MTMR8: variants seen among roughly 807,000 people sequenced by gnomAD.
MTMR8 encodes the protein myotubularin related protein 8.
In MTMR8, 65 loss-of-function variants were observed where a neutral mutation model predicts 39.3. The observed-to-expected ratio is 1.65, with a 90% confidence interval of 1.35 to 2.03. The LOEUF (loss-of-function observed/expected upper bound fraction) is 2.03, where lower values mean the gene tolerates loss of function less well. Ranked by LOEUF, MTMR8 falls within the 30% of genes most tolerant of loss-of-function variation. MTMR8 has a pLI of 0.00. For synonymous variants in MTMR8, 245 were observed against 185.2 expected (o/e 1.32, Z -2.62); for missense variants, 777 against 538.9 (o/e 1.44, Z -4.37).
At chrX:64,383,681 A>C (rs1924488881) in intron 1 of MTMR8, among the ~76,000 whole-genome samples, 1 of 110,029 alleles carries the variant, frequency 9.1e-6, no homozygotes, top group Non-Finnish European at 1.9e-5. Context: ...GAACTCACAC[A>C]ATATCATGAG....
intron 12 of MTMR8, among the ~76,000 whole-genome samples, chrX:64,283,886 G>C (rs758772023): frequency 2.9e-4 from 32 of 112,202 alleles, no homozygotes; most frequent in South Asian, 7.4e-4. Flanking sequence ...AAACAGAAGA[G>C]AAAAACTGAA....
intron 1 of MTMR8, among the ~76,000 whole-genome samples, chrX:64,362,072 C>T (rs746775365): frequency 2.7e-5 from 3 of 110,401 alleles, no homozygotes; most frequent in South Asian, 3.8e-4. Flanking sequence ...ATAACATTCA[C>T]GATGGCAACA....
At chrX:64,292,637 C>T (rs1921438721) in intron 12 of MTMR8, among the ~76,000 whole-genome samples, 1 of 110,812 alleles carries the variant, frequency 9.0e-6, no homozygotes, top group East Asian at 2.9e-4. Context: ...GACAGAAAAA[C>T]AAAAGAAGAG....
intron 8 of MTMR8, among the ~76,000 whole-genome samples, chrX:64,338,478 A>C (rs1302656592): frequency 2.7e-5 from 3 of 112,430 alleles, no homozygotes; most frequent in African/African-American, 9.7e-5. Context: ...AACAGCGTGT[A>C]CATTGCAAGG....
Position 64,268,728 on chromosome X carries a change from T to A in MTMR8, c.1924A>T (p.Thr642Ser). The change falls in exon 14 of 14, where the codon ACC (threonine) becomes TCC (serine). Residue 642 changes from threonine to serine, a missense_variant. Thr to Ser is a moderately conservative substitution (Grantham distance 58). Coordinates refer to ENST00000374852, the MANE Select transcript of MTMR8 (RefSeq NM_017677.4). ...EAMGISGDMCTFEATGFSKDL... is the reference protein window; with the variant it reads ...EAMGISGDMCSFEATGFSKDL... ...TTGGAGAAGCCCGTAGCCTCAAAGG[T>A]GCACATGTCTCCAGAGATGCCCATG... 8.3e-7 allele frequency: 1 copy of A among 1,211,566 alleles called. No homozygotes were observed. Among genetic ancestry groups the A allele is most frequent in the Non-Finnish European group, 1.1e-6 (1 of 895,491 alleles).
At chrX:64,275,443 C>A (rs940834749) in intron 12 of MTMR8, among the ~76,000 whole-genome samples, 7 of 109,321 alleles carry the variant, frequency 6.4e-5, no homozygotes, top group Non-Finnish European at 1.1e-4. Flanking sequence ...CGTCTATAAT[C>A]CCAGCACCTT....
At chrX:64,350,225 A>G (rs1382408911) in intron 4 of MTMR8, among the ~76,000 whole-genome samples, 155 bp from the exon 5 acceptor site, 2 of 110,283 alleles carry the variant, frequency 1.8e-5, no homozygotes, top group African/African-American at 6.6e-5. Context: ...CTAAAATGTC[A>G]ACACCTCCAC....
chrX:64,316,570 C>T (rs896240434), intron 12 of MTMR8, among the ~76,000 whole-genome samples: 1 of 111,364 alleles, frequency 9.0e-6, no homozygotes, highest in Admixed American at 9.5e-5. Flanking sequence ...ATCATTTGAG[C>T]CTGGGAGGTC....
At chrX:64,310,812 C>T (rs1249622945) in intron 12 of MTMR8, among the ~76,000 whole-genome samples, 1 of 111,255 alleles carries the variant, frequency 9.0e-6, no homozygotes, top group Admixed American at 9.6e-5. Flanking sequence ...CATCCATGTC[C>T]CTGCAAAGGA....
At chrX:64,370,901 C>G (rs1336042918) in intron 1 of MTMR8, among the ~76,000 whole-genome samples, 2 of 111,830 alleles carry the variant, frequency 1.8e-5, no homozygotes, top group African/African-American at 6.5e-5. Context: ...ACCTGTAATC[C>G]CAGCACTTTG....
Position 64,268,665 on chromosome X carries a change from C to G in MTMR8, c.1987G>C (p.Ala663Pro). 8.3e-7 allele frequency: 1 copy of G among 1,209,819 alleles called. No homozygotes were observed. The highest frequency in any genetic ancestry group is 2.3e-4 in the Middle Eastern group (1 of 4,353). Residue 663 changes from alanine to proline, a missense_variant, in exon 14 of 14, where the codon GCC becomes CCC. Coordinates refer to ENST00000374852, the MANE Select transcript of MTMR8 (RefSeq NM_017677.4). ...CCCAAGTTTCCAGAGATGCCAGTGG[C>G]CTCAGAGATGTCCATGGCCCCACAG... ...GICGAMDISE[A>P]TGISGNLGIS...
chrX:64,300,836 A>G (rs1418482019), intron 12 of MTMR8, among the ~76,000 whole-genome samples: 1 of 107,916 alleles, frequency 9.3e-6, no homozygotes, highest in African/African-American at 3.4e-5. Flanking sequence ...TCACTTATGA[A>G]GCTTAGTTTG....
intron 12 of MTMR8, among the ~76,000 whole-genome samples, chrX:64,299,305 T>C (rs1602115791): frequency 1.3e-5 from 1 of 75,600 alleles, no homozygotes; most frequent in Non-Finnish European, 2.4e-5. Context: ...GGTTTAGTCT[T>C]GGGAGAGTGT....
rs760100755 is a variant in MTMR8 at position 64,390,764 on chromosome X, C to T, written c.24+4576G>A. 1.4e-3 allele frequency among the ~76,000 whole-genome samples: 156 copies of T among 110,650 alleles called. 1 individual carries two copies. The highest frequency in any genetic ancestry group is 4.7e-3 in the African/African-American group (144 of 30,453). On this transcript the variant is annotated intron_variant, in intron 1 of 13. Transcript: ENST00000374852. Reference sequence around the variant, plus strand: ...CCTCCCAGATTCAAGCCATCCCCACCGCCCCCCCAGCCTCTCGAGTAGCTG... The same window carrying T: ...CCTCCCAGATTCAAGCCATCCCCACTGCCCCCCCAGCCTCTCGAGTAGCTG...
intron 12 of MTMR8, among the ~76,000 whole-genome samples, chrX:64,326,047 T>A (rs1602132532): frequency 8.9e-6 from 1 of 112,101 alleles, no homozygotes; most frequent in East Asian, 2.8e-4. Flanking sequence ...GTATATTATA[T>A]GTATTATACA....
chrX:64,367,110 T>C (rs1241995697), intron 1 of MTMR8, among the ~76,000 whole-genome samples: 3 of 111,421 alleles, frequency 2.7e-5, no homozygotes, highest in East Asian at 2.8e-4. Context: ...ATTGAGGCAA[T>C]AATTAATAGC....
At position 64,337,258 on chromosome X, in the gene MTMR8, GCT is replaced by G. The variant is rs1226578836; in HGVS notation, c.1101+8_1101+9del. 8.3e-7 allele frequency: 1 copy of G among 1,201,658 alleles called. No individual in the cohort carries two copies. The highest frequency in any genetic ancestry group is 2.3e-5 in the Admixed American group (1 of 44,393). ...TACACAAAGTAAAATATAGTAGCGT[GCT>G]CTCTTACCATGAGTCCTTTGAATGT... On this transcript the variant is annotated splice_region_variant and intron_variant, in intron 9 of 13. Coordinates refer to ENST00000374852, the MANE Select transcript of MTMR8 (RefSeq NM_017677.4).
rs1318098583 is a variant in MTMR8, at chrX:64,284,446, A to G, written c.1482-13373T>C. Among the ~76,000 whole-genome samples the G allele has an allele frequency of 1.1e-4, 12 of 112,000 alleles. No individual in the cohort carries two copies. In the Admixed American group the frequency reaches 1.1e-3, roughly 11 times the overall value. On this transcript the variant is annotated intron_variant, in intron 12 of 13. Coordinates refer to ENST00000374852, the MANE Select transcript of MTMR8 (RefSeq NM_017677.4). ...CTTCCCCAATCTAGCAAGGCAGGCC[A>G]ACATTCAAATTCTGGAAATACAGAG...
At chrX:64,276,159 G>T (rs1201660855) in intron 12 of MTMR8, among the ~76,000 whole-genome samples, 4 of 110,596 alleles carry the variant, frequency 3.6e-5, no homozygotes, top group Non-Finnish European at 7.6e-5. Context: ...TAATTTTTTT[G>T]AAGGGTTTTT....
Sources: allele counts gnomAD v4.1 joint callset (sites outside exome capture counted in the v4.1 genomes callset), GRCh38; gene constraint gnomAD v4.1.1; transcripts MANE v1.5; gene names NCBI Gene and HGNC (gene_info 2026-07-23, HGNC 2026-07-21).